LPCAT1: variants seen among roughly 807,000 people sequenced by gnomAD.
LPCAT1 encodes 1-acylglycerol-3-phosphate O-acyltransferase.
LPCAT1 carries 23 observed loss-of-function variants against 60.9 expected under a neutral mutation model. The observed-to-expected ratio is 0.38, with a 90% CI of 0.27 to 0.53. The LOEUF (loss-of-function observed/expected upper bound fraction) is 0.53. LPCAT1 is among the 20% of genes least tolerant of loss of function. The pLI, the probability that LPCAT1 is intolerant of heterozygous loss-of-function variation, is 0.82. For synonymous variants in LPCAT1, 340 were observed against 301.1 expected, an observed-to-expected ratio of 1.13 and a Z score of -1.34; for missense variants, 622 against 723.6, an observed-to-expected ratio of 0.86 and a Z score of 1.61.
intron 4 of LPCAT1, among the ~76,000 whole-genome samples, chr5:1,489,377 G>A (rs192233911): frequency 1.8e-4 from 28 of 152,310 alleles, no homozygotes; most frequent in African/African-American, 6.5e-4. Flanking sequence ...CCAGCATACA[G>A]ACCAGGAAGT....
At chr5:1,518,968 C>T (rs1177878606) in intron 1 of LPCAT1, among the ~76,000 whole-genome samples, 1 of 152,240 alleles carries the variant, frequency 6.6e-6, no homozygotes, top group Admixed American at 6.5e-5. Flanking sequence ...AGGAAGCGTG[C>T]AGAGCAGGGT....
At chr5:1,494,093 G>C (rs918386478) in intron 3 of LPCAT1, among the ~76,000 whole-genome samples, 1 of 152,180 alleles carries the variant, frequency 6.6e-6, no homozygotes, top group South Asian at 2.1e-4. Context: ...ATCTCTGCTG[G>C]AGTGAGCCCC....
chr5:1,501,381 C>A (rs1735997001), intron 2 of LPCAT1, 80 bp downstream of exon 2: 1 of 1,506,672 alleles, frequency 6.6e-7, no homozygotes, highest in Admixed American at 2.0e-5. Flanking sequence ...AGACACACAA[C>A]CCCACTGTGA....
intron 5 of LPCAT1, among the ~76,000 whole-genome samples, chr5:1,484,346 G>GA (rs1735290513): frequency 6.6e-6 from 1 of 152,284 alleles, no homozygotes; most frequent in East Asian, 1.9e-4. Context: ...GGACTCTGTG[G>GA]ATGATTGTTT....
intron 1 of LPCAT1, among the ~76,000 whole-genome samples, chr5:1,513,731 G>A (rs1195333398): frequency 4.7e-5 from 7 of 149,664 alleles, no homozygotes; most frequent in East Asian, 2.0e-4. Context: ...GCTCTCACCC[G>A]TGGGGCGGGA....
intron 1 of LPCAT1, among the ~76,000 whole-genome samples, chr5:1,514,041 C>A (rs1328676461): frequency 1.3e-5 from 2 of 152,264 alleles, no homozygotes; most frequent in Non-Finnish European, 2.9e-5. Context: ...GAAACGGGCC[C>A]TGGAGGTGGG....
Position 1,521,447 on chromosome 5 carries a change from G to A in LPCAT1, c.135+2263C>T. ...TTTCTTTGGGGAAGAAGGCTTTCTTGGCTTGAAAGACAGGCTATTTCACTC... is the reference window on the plus strand; with the variant it reads ...TTTCTTTGGGGAAGAAGGCTTTCTTAGCTTGAAAGACAGGCTATTTCACTC... On this transcript the variant is annotated intron_variant, in intron 1 of 13. Transcript: ENST00000283415. The surrounding 1 kb of genome is among the most constrained non-coding windows in gnomAD (Gnocchi z 4.3). 1 of 985,316 alleles carries A rather than the reference G, an allele frequency of 1.0e-6. No individual in the cohort carries two copies. The highest frequency in any genetic ancestry group is 1.2e-6 in the Non-Finnish European group (1 of 829,844). The allele number at this position is 985,316 out of a possible 1,614,324, so 61.0% of individuals were successfully genotyped here.
rs1736690923 is a variant in LPCAT1, at chr5:1,521,986, A to G, written c.135+1724T>C. On this transcript the variant is annotated intron_variant, in intron 1 of 13. Transcript: ENST00000283415. The surrounding 1 kb of genome is among the most constrained non-coding windows in gnomAD (Gnocchi z 4.3). ...CTCAACCGGGGGCTGCAACTATGAC[A>G]GGGATGACGAAGTGGCCTCCGGGGA... is the stretch of plus-strand genomic sequence containing the variant. 3.3e-5 allele frequency among the ~76,000 whole-genome samples: 5 copies of G among 152,284 alleles called. No homozygotes were observed. In the South Asian group the frequency reaches 8.3e-4, roughly 25 times the overall value.
At chr5:1,475,542 C>T (rs186549898) in intron 9 of LPCAT1, among the ~76,000 whole-genome samples, 1 of 152,360 alleles carries the variant, frequency 6.6e-6, no homozygotes, top group East Asian at 1.9e-4. Flanking sequence ...AGAGGCGAGC[C>T]CCATCCCAGA....
chr5:1,463,663 C>T lies in LPCAT1; in HGVS notation c.1593G>A (p.Lys531=). 6.2e-7 allele frequency: 1 copy of T among 1,614,184 alleles called. No individual in the cohort carries two copies. Among genetic ancestry groups the T allele is most frequent in the South Asian group, 1.1e-5 (1 of 91,088 alleles). The change falls in exon 14 of 14, where the codon AAG becomes AAA. Residue 531 remains lysine, a synonymous_variant. Transcript: ENST00000283415. ...GCAACCCTGGGTCCTAATCCAGCTTCTTGCGAACAGGCTTCCGCCCAGCGT... is the reference window on the plus strand; with the variant it reads ...GCAACCCTGGGTCCTAATCCAGCTTTTTGCGAACAGGCTTCCGCCCAGCGT... The part of the protein sequence containing the change: ...NSDAGRKPVR[K]KLD
At chr5:1,465,413 A>G (rs1218622315) in intron 13 of LPCAT1, among the ~76,000 whole-genome samples, 2 of 150,482 alleles carry the variant, frequency 1.3e-5, no homozygotes, top group Non-Finnish European at 3.0e-5. Flanking sequence ...CATGGTAACT[A>G]CACACATGCA....
chr5:1,485,676 G>C (rs1305599590), intron 5 of LPCAT1, among the ~76,000 whole-genome samples: 1 of 152,136 alleles, frequency 6.6e-6, no homozygotes, highest in Non-Finnish European at 1.5e-5. Flanking sequence ...GGCCCAGGGA[G>C]AGCCGTGTCC....
In LPCAT1 at chr5:1,477,546, T is replaced by A; in HGVS notation, c.817-60A>T. The A allele has an allele frequency of 8.1e-7, 1 of 1,241,790 alleles. No homozygotes were observed. The highest frequency in any genetic ancestry group is 1.2e-6 in the Non-Finnish European group (1 of 857,564). The allele number at this position is 1,241,790 out of a possible 1,614,324, so 76.9% of individuals were successfully genotyped here. ...GACGCTGACCTCAGCAACACCACTG[T>A]AACGACAACTGGGAGGCTGACAAAA... On this transcript the variant is annotated intron_variant, in intron 8 of 13. Coordinates refer to ENST00000283415, the MANE Select transcript of LPCAT1 (RefSeq NM_024830.5). This position sits in a 1 kb window ranked among gnomAD's most constrained non-coding sequence, Gnocchi z 6.0.
intron 12 of LPCAT1, chr5:1,467,267 CG>C: frequency 4.4e-6 from 1 of 225,842 alleles, no homozygotes; most frequent in Non-Finnish European, 8.6e-6. Context: ...AGTTCCCCCA[CG>C]GCCCTCTGCC....
chr5:1,489,929 G>A (rs770512735), intron 3 of LPCAT1, 71 bp from the exon 4 acceptor site: 1 of 1,139,408 alleles, frequency 8.8e-7, no homozygotes, highest in African/African-American at 1.5e-5. Flanking sequence ...AGGAACGAGG[G>A]GGCTGCTGCA....
At chr5:1,520,392 CA>C (rs765347229) in intron 1 of LPCAT1, among the ~76,000 whole-genome samples, 2 of 152,200 alleles carry the variant, frequency 1.3e-5, no homozygotes, top group Non-Finnish European at 2.9e-5. Context: ...CAACCCTCAT[CA>C]TAATCCTCTC....
intron 1 of LPCAT1, among the ~76,000 whole-genome samples, chr5:1,506,858 A>G (rs1354815555): frequency 1.3e-5 from 2 of 152,112 alleles, no homozygotes. Context: ...ACCTGCAGCC[A>G]CAGGGACACC....
rs184906742 is a variant in LPCAT1, at chr5:1,474,659, T to C, written c.926A>G (p.Tyr309Cys). The C allele has an allele frequency of 6.2e-7, 1 of 1,613,792 alleles. No homozygotes were observed. Among genetic ancestry groups the C allele is most frequent in the African/African-American group, 1.3e-5 (1 of 75,014 alleles). The change falls in exon 10 of 14, where the codon TAC becomes TGC. Residue 309 changes from tyrosine (Y) to cysteine (C), a missense_variant. Tyr to Cys is a radical substitution (Grantham distance 194). Transcript: ENST00000283415. The stretch of plus-strand genomic sequence containing the variant: ...GGCCAGCTGGCAGTCCTCGAACGTG[T>C]AGTCAGTCACGGAGACACCCAAGGC... The part of the protein sequence containing the change: ...AEALGVSVTD[Y>C]TFEDCQLALA...
chr5:1,486,859 T>A (rs1189954160), intron 5 of LPCAT1, among the ~76,000 whole-genome samples: 1 of 152,012 alleles, frequency 6.6e-6, no homozygotes, highest in African/African-American at 2.4e-5. Flanking sequence ...GGGGAAAGGA[T>A]CAAGCCACCG....
Sources: gnomAD v4.1 joint callset for allele counts (sites outside exome capture counted in the v4.1 genomes callset) on GRCh38, gnomAD v4.1.1 for gene constraint, Gnocchi (gnomAD v3.1) non-coding constraint, MANE v1.5 for transcripts, NCBI Gene and HGNC (gene_info 2026-07-23, HGNC 2026-07-21) for gene names.